GPC3: variants seen among roughly 807,000 people sequenced by gnomAD.
GPC3 encodes the protein glypican-3.
Under a neutral mutation model 34.4 loss-of-function variants are expected in GPC3, and 3 were observed. That is an observed-to-expected ratio of 0.09 (90% CI 0.04 to 0.23). The LOEUF (loss-of-function observed/expected upper bound fraction) is 0.23, where lower values mean the gene tolerates loss of function less well. Ranked by LOEUF, GPC3 falls within the 10% of genes least tolerant of loss-of-function variation. GPC3 has a pLI of 1.00. For missense variants in GPC3, 351 were observed against 445.6 expected (o/e 0.79, Z 1.91); for synonymous variants, 177 against 174.0 (o/e 1.02, Z -0.13).
At chrX:133,905,908 G>A (rs1009910223) in intron 2 of GPC3, among the ~76,000 whole-genome samples, 1 of 111,892 alleles carries the variant, frequency 8.9e-6, no homozygotes, top group South Asian at 3.7e-4. Flanking sequence ...AGTACTGTCT[G>A]CAATAACCTT....
chrX:133,715,083 C>T (rs1283285325), intron 3 of GPC3, among the ~76,000 whole-genome samples: 1 of 111,886 alleles, frequency 8.9e-6, no homozygotes, highest in Non-Finnish European at 1.9e-5. Context: ...CAGACACAAC[C>T]TCAATCTCTG....
At chrX:133,794,459 A>C (rs1287110688) in intron 2 of GPC3, among the ~76,000 whole-genome samples, 1 of 112,013 alleles carries the variant, frequency 8.9e-6, no homozygotes, top group Non-Finnish European at 1.9e-5. Flanking sequence ...TTGAAAATAT[A>C]CAACGTTAAC....
Position 133,985,503 on chromosome X carries a change from C to A in GPC3, c.-54G>T. 9.1e-7 allele frequency: 1 copy of A among 1,097,576 alleles called. No homozygotes were observed. Among genetic ancestry groups the A allele is most frequent in the Non-Finnish European group, 1.2e-6 (1 of 812,214 alleles). 90.5% of individuals were successfully genotyped at this position (1,097,576 alleles called of 1,213,427 possible). On this transcript the variant is annotated 5_prime_UTR_variant, in exon 1 of 8. Transcript: ENST00000370818. ...GGGAGAGTGGCAGCCGGAGCGAGAG[C>A]AGTCCCAGGACTCGGCAAGCCTGGC...
At chrX:133,752,164 G>A (rs1024276536) in intron 3 of GPC3, among the ~76,000 whole-genome samples, 2 of 111,018 alleles carry the variant, frequency 1.8e-5, no homozygotes, top group Non-Finnish European at 3.8e-5. Context: ...CACAGCACCT[G>A]GCCACATATA....
intron 2 of GPC3, among the ~76,000 whole-genome samples, chrX:133,849,087 T>C (rs1227110465): frequency 1.6e-5 from 1 of 64,142 alleles, no homozygotes; most frequent in African/African-American, 8.6e-5. Context: ...AAAGTTTCTT[T>C]TTTTTTTTTT....
chrX:133,668,044 G>A (rs1232410100), intron 5 of GPC3, among the ~76,000 whole-genome samples: 1 of 108,218 alleles, frequency 9.2e-6, no homozygotes, highest in Non-Finnish European at 1.9e-5. Context: ...TGGGAGTACA[G>A]GCGCCCTGCC....
chrX:133,651,620 C>G (rs929489794), intron 6 of GPC3, among the ~76,000 whole-genome samples: 1 of 111,373 alleles, frequency 9.0e-6, no homozygotes, highest in African/African-American at 3.3e-5. Context: ...ATTGTGTTAT[C>G]TATGTATTCA....
At chrX:133,591,925 T>C (rs1316673540) in intron 7 of GPC3, among the ~76,000 whole-genome samples, 4 of 111,575 alleles carry the variant, frequency 3.6e-5, no homozygotes, top group Non-Finnish European at 7.5e-5. Flanking sequence ...TGGGCAACTT[T>C]AGATGACCAC....
At chrX:133,924,113 T>C (rs1255586176) in intron 2 of GPC3, among the ~76,000 whole-genome samples, 1 of 112,230 alleles carries the variant, frequency 8.9e-6, no homozygotes, top group African/African-American at 3.2e-5. Flanking sequence ...GTATTATATA[T>C]TCTTTAACAT....
intron 2 of GPC3, among the ~76,000 whole-genome samples, chrX:133,756,785 C>A (rs2071729135): frequency 1.8e-5 from 2 of 112,735 alleles, no homozygotes; most frequent in Admixed American, 1.9e-4. Flanking sequence ...CCTGCTCCAA[C>A]TTCCGCAGCT....
chrX:133,983,052 C>T (rs1299879168), intron 1 of GPC3, among the ~76,000 whole-genome samples: 4 of 111,674 alleles, frequency 3.6e-5, no homozygotes, highest in Non-Finnish European at 7.5e-5. Flanking sequence ...ATTCAGGACA[C>T]GCAGTTTCAT....
intron 2 of GPC3, among the ~76,000 whole-genome samples, chrX:133,867,462 C>A (rs1374982221): frequency 9.1e-6 from 1 of 110,284 alleles, no homozygotes; most frequent in Admixed American, 9.7e-5. Flanking sequence ...TAGCAGAATC[C>A]AATGGGGCCT....
intron 6 of GPC3, among the ~76,000 whole-genome samples, chrX:133,605,053 G>A (rs891390515): frequency 2.1e-4 from 23 of 111,222 alleles, no homozygotes; most frequent in African/African-American, 7.2e-4. Flanking sequence ...CTCTTTGAAC[G>A]AATGCACCAA....
At chrX:133,704,146 T>G in intron 3 of GPC3, 1 of 722,293 alleles carries the variant, frequency 1.4e-6, no homozygotes, top group Non-Finnish European at 1.9e-6. Flanking sequence ...ACCACCCCAC[T>G]TCCACCTCTC....
At chrX:133,852,985 C>CA (rs33927142) in intron 2 of GPC3, among the ~76,000 whole-genome samples, 10,282 of 40,018 alleles carry the variant, frequency 0.26, 453 homozygotes, top group Non-Finnish European at 0.32. Context: ...TTTTAAATTC[C>CA]AAAAAAAAAA....
chrX:133,842,734 A>T (rs923081661), intron 2 of GPC3, among the ~76,000 whole-genome samples: 1 of 110,478 alleles, frequency 9.1e-6, no homozygotes, highest in African/African-American at 3.3e-5. Flanking sequence ...TGTTGTTGTT[A>T]TTATTATTAT....
At chrX:133,781,404 C>T (rs1346583896) in intron 2 of GPC3, among the ~76,000 whole-genome samples, 2 of 112,212 alleles carry the variant, frequency 1.8e-5, no homozygotes, top group Non-Finnish European at 3.8e-5. Flanking sequence ...GAGGCTAGAG[C>T]TGAGCCAGGT....
intron 3 of GPC3, 90 bp from the exon 4 acceptor site, chrX:133,700,118 C>A: frequency 1.4e-6 from 1 of 702,162 alleles, no homozygotes; most frequent in South Asian, 2.4e-5. Flanking sequence ...TTTCTTCCCC[C>A]AATTTTAAAT....
chrX:133,751,731 C>T (rs1191583321), intron 3 of GPC3, among the ~76,000 whole-genome samples: 1 of 112,172 alleles, frequency 8.9e-6, no homozygotes, highest in East Asian at 2.8e-4. Flanking sequence ...GGGTGTCTAT[C>T]AACCAAGCCA....
Sources: allele counts gnomAD v4.1 joint callset (sites outside exome capture counted in the v4.1 genomes callset), GRCh38; gene constraint gnomAD v4.1.1; transcripts MANE v1.5; gene names NCBI Gene and HGNC (gene_info 2026-07-23, HGNC 2026-07-21).